DCX: variants seen among roughly 807,000 people sequenced by gnomAD.
The protein encoded by DCX is doublecortin, also known as neuronal migration protein doublecortin.
DCX carries 4 observed loss-of-function variants against 20.9 expected under a neutral mutation model. The ratio of observed to expected loss-of-function variants is 0.19; its 90% CI spans 0.09 to 0.44. The LOEUF (loss-of-function observed/expected upper bound fraction) is 0.44. Among genes scored for constraint, DCX ranks in the 20% least tolerant of loss-of-function variants. DCX has a pLI of 0.99. For synonymous variants in DCX, 103 were observed against 111.4 expected (o/e 0.92, Z 0.47); for missense variants, 133 against 296.9 (o/e 0.45, Z 4.06).
At chrX:111,316,687 C>T (rs747984100) in intron 5 of DCX, among the ~76,000 whole-genome samples, 2 of 111,357 alleles carry the variant, frequency 1.8e-5, no homozygotes, top group Non-Finnish European at 3.8e-5. Context: ...TAGTTATCTG[C>T]CCAAAAACTC....
chrX:111,410,911 T>C lies in DCX; in HGVS notation c.-22-491A>G, dbSNP rs1298342663. The C allele has an allele frequency of 3.3e-6, 4 of 1,211,415 alleles. No homozygotes were observed. The highest frequency in any genetic ancestry group is 2.2e-5 in the Admixed American group (1 of 46,008). ...CAGAAGGAGCTACCCAAGGTTAGCA[T>C]CTCCAGCTTAGGAAGCAGTCTTTGC... On this transcript the variant is annotated intron_variant, in intron 1 of 6. Coordinates refer to ENST00000636035, the MANE Select transcript of DCX (RefSeq NM_001195553.2).
intron 3 of DCX, among the ~76,000 whole-genome samples, chrX:111,366,027 T>A (rs953408760): frequency 1.8e-5 from 2 of 112,123 alleles, no homozygotes; most frequent in Non-Finnish European, 3.8e-5. Flanking sequence ...TTGTTAAATG[T>A]CCCCTGTTGG....
At chrX:111,365,097 T>C (rs1208451172) in intron 3 of DCX, among the ~76,000 whole-genome samples, 1 of 107,381 alleles carries the variant, frequency 9.3e-6, no homozygotes, top group Non-Finnish European at 1.9e-5. Flanking sequence ...TTTATTTTTA[T>C]TTTGGAGAGA....
Position 111,410,257 on chromosome X carries a change from T to C in DCX, c.142A>G (p.Asn48Asp), listed in dbSNP as rs1276278929. ...YRTRTLQALS[N>D]EKKAKKVRFY... ...CGTACCTTCTTGGCTTTCTTCTCAT[T>C]ACTCAGTGCCTGCAAGGTTCTGGTT... Residue 48 changes from asparagine (N) to aspartate (D), a missense_variant, in exon 2 of 7, where the codon AAT (asparagine) becomes GAT (aspartate). Asn to Asp is a conservative substitution (Grantham distance 23, BLOSUM62 1). Coordinates refer to ENST00000636035, the MANE Select transcript of DCX (RefSeq NM_001195553.2). The C allele has an allele frequency of 8.3e-7, 1 of 1,209,637 alleles. No individual in the cohort carries two copies. The highest frequency in any genetic ancestry group is 1.1e-6 in the Non-Finnish European group (1 of 895,212).
intron 3 of DCX, among the ~76,000 whole-genome samples, chrX:111,347,605 G>A (rs994296670): frequency 9.0e-6 from 1 of 110,932 alleles, no homozygotes; most frequent in Non-Finnish European, 1.9e-5. Flanking sequence ...CAGCCCCTGT[G>A]CAGCCAGTTT....
At chrX:111,312,022 G>T (rs929439096) in intron 6 of DCX, among the ~76,000 whole-genome samples, 2 of 112,271 alleles carry the variant, frequency 1.8e-5, no homozygotes, top group African/African-American at 3.2e-5. Context: ...TGGATAGCGG[G>T]GCTAGGGAAT....
Position 111,298,882 on chromosome X carries a change from C to G in DCX, c.*2805G>C, listed in dbSNP as rs760911437. The G allele has an allele frequency of 1.1e-4, 12 of 111,416 alleles. No individual in the cohort carries two copies. The highest frequency in any genetic ancestry group is 3.9e-4 in the African/African-American group (12 of 30,501). 9.2% of individuals were successfully genotyped at this position (111,416 alleles called of 1,213,427 possible). A position where few individuals can be genotyped will look rare whatever the true frequency, so the allele number is the denominator to read the frequency against. ...CCAGCCCCAATATATACATTTTCCCCTTCTTTGTCCCTATTTCTATTTCTG... is the reference window on the plus strand; with the variant it reads ...CCAGCCCCAATATATACATTTTCCCGTTCTTTGTCCCTATTTCTATTTCTG... On this transcript the variant is annotated 3_prime_UTR_variant, in exon 7 of 7. Coordinates refer to ENST00000636035, the MANE Select transcript of DCX (RefSeq NM_001195553.2).
At chrX:111,340,151 C>G (rs909216936) in intron 3 of DCX, among the ~76,000 whole-genome samples, 7 of 112,683 alleles carry the variant, frequency 6.2e-5, no homozygotes, top group Non-Finnish European at 1.1e-4. Context: ...GGGCAGCACT[C>G]ATCTCTATAG....
At chrX:111,371,048 A>G (rs960863878) in intron 3 of DCX, among the ~76,000 whole-genome samples, 9 of 112,044 alleles carry the variant, frequency 8.0e-5, no homozygotes, top group African/African-American at 2.9e-4. Context: ...TAGGTTACTG[A>G]TATTAGAATG....
chrX:111,316,433 T>C (rs981770432), intron 5 of DCX, among the ~76,000 whole-genome samples: 2 of 110,618 alleles, frequency 1.8e-5, no homozygotes, highest in African/African-American at 6.6e-5. Context: ...GGTTTCACCA[T>C]ATTGGCCAGG....
intron 2 of DCX, among the ~76,000 whole-genome samples, chrX:111,404,533 A>C (rs187836913): frequency 2.7e-5 from 3 of 112,172 alleles, no homozygotes; most frequent in Non-Finnish European, 3.8e-5. Context: ...TCAAATCTCA[A>C]CTAGGCACTT....
intron 5 of DCX, among the ~76,000 whole-genome samples, chrX:111,324,717 A>T (rs990436516): frequency 8.9e-6 from 1 of 112,369 alleles, no homozygotes; most frequent in African/African-American, 3.2e-5. Context: ...ATATATTTTT[A>T]AAATTTACAT....
chrX:111,347,626 A>G (rs1326510258), intron 3 of DCX, among the ~76,000 whole-genome samples: 1 of 111,208 alleles, frequency 9.0e-6, no homozygotes, highest in Non-Finnish European at 1.9e-5. Context: ...ACCTATTCCT[A>G]TAGCAAGTCA....
chrX:111,357,808 G>A (rs1033337764), intron 3 of DCX, among the ~76,000 whole-genome samples: 19 of 109,818 alleles, frequency 1.7e-4, no homozygotes, highest in African/African-American at 6.0e-4. Flanking sequence ...AAAAAAAAAA[G>A]GAGCTGAAGC....
At chrX:111,353,709 C>T (rs1923506838) in intron 3 of DCX, among the ~76,000 whole-genome samples, 1 of 111,421 alleles carries the variant, frequency 9.0e-6, no homozygotes, top group Non-Finnish European at 1.9e-5. Flanking sequence ...CATTCACTTA[C>T]TGAGTAGCAT....
At chrX:111,310,721 C>T (rs762668821) in intron 6 of DCX, among the ~76,000 whole-genome samples, 2 of 112,134 alleles carry the variant, frequency 1.8e-5, no homozygotes, top group Non-Finnish European at 3.8e-5. Flanking sequence ...CTGAAAATTC[C>T]ACAGTTAAGA....
chrX:111,347,028 C>T (rs1343788873), intron 3 of DCX, among the ~76,000 whole-genome samples: 1 of 111,535 alleles, frequency 9.0e-6, no homozygotes, highest in African/African-American at 3.3e-5. Context: ...AGAATTTAGG[C>T]TCCACAAGAG....
Position 111,327,152 on chromosome X carries a change from A to G in DCX, c.946+3752T>C, listed in dbSNP as rs755197735. 2.7e-5 allele frequency among the ~76,000 whole-genome samples: 3 copies of G among 111,881 alleles called. No homozygotes were observed. The East Asian group carries it at 8.5e-4, about 32-fold the overall frequency. ...TGTCTTCAAAGGAAGACAATCTTCC[A>G]TTGGTCTATCTTCCATAGACTTGGA... On this transcript the variant is annotated intron_variant, in intron 5 of 6. Transcript: ENST00000636035.
At position 111,399,266 on chromosome X, in the gene DCX, T is replaced by C. The variant is rs759198149; in HGVS notation, c.705+1724A>G. On this transcript the variant is annotated intron_variant, in intron 3 of 6. Coordinates refer to ENST00000636035, the MANE Select transcript of DCX (RefSeq NM_001195553.2). ...AATTTACAGAGTGCTTTCATATCCA[T>C]TATTTGATTTAATCCTCATAAGAGT... is the stretch of plus-strand genomic sequence containing the variant. Among the ~76,000 whole-genome samples the C allele has an allele frequency of 4.5e-5, 5 of 111,611 alleles. No homozygotes were observed. The South Asian group carries it at 1.9e-3, about 43-fold the overall frequency.
Sources: allele counts gnomAD v4.1 joint callset (sites outside exome capture counted in the v4.1 genomes callset), GRCh38; gene constraint gnomAD v4.1.1; transcripts MANE v1.5; gene names NCBI Gene and HGNC (gene_info 2026-07-23, HGNC 2026-07-21).